The following MRPL36 variants were observed in gnomAD, a reference collection of about 807,000 sequenced individuals.
MRPL36 encodes the protein large ribosomal subunit protein bL36m.
A neutral mutation model predicts 2.8 loss-of-function variants in MRPL36; 1 was observed. The ratio of observed to expected loss-of-function variants is 0.36; its 90% CI spans 0.13 to 1.69. The LOEUF (loss-of-function observed/expected upper bound fraction) is 1.69, where lower values mean the gene tolerates loss of function less well. Among genes scored for constraint, MRPL36 ranks in the 40% most tolerant of loss-of-function variants. The pLI, the probability that MRPL36 is intolerant of heterozygous loss-of-function variation, is 0.35. For synonymous variants in MRPL36, 68 were observed against 54.8 expected, an observed-to-expected ratio of 1.24 and a Z score of -1.06; for missense variants, 148 against 132.7, an observed-to-expected ratio of 1.12 and a Z score of -0.57.
chr5:1,800,046 A>G (rs1366655505), upstream of MRPL36, among the ~76,000 whole-genome samples: 2 of 152,260 alleles, frequency 1.3e-5, no homozygotes, highest in African/African-American at 2.4e-5. Context: ...TGCAAAAACC[A>G]GGAACGAAAA....
chr5:1,801,107 T>C (rs1273298373), upstream of MRPL36, among the ~76,000 whole-genome samples: 1 of 152,234 alleles, frequency 6.6e-6, no homozygotes, highest in Non-Finnish European at 1.5e-5. Context: ...GCCCTAGCTC[T>C]AGCCTGCGGC....
upstream of MRPL36, among the ~76,000 whole-genome samples, chr5:1,800,314 G>A (rs1733998637): frequency 6.9e-6 from 1 of 144,832 alleles, no homozygotes; most frequent in Non-Finnish European, 1.6e-5. Context: ...TTGCCACCTA[G>A]ATTCTACCCT....
rs1733929955 is a variant in MRPL36 at position 1,798,825 on chromosome 5, T to A, written c.111A>T (p.Ala37=). ...STFLFGSIRG[A]APVAVEPGAA... is the part of the protein sequence containing the mutation. Reference sequence around the variant, plus strand: ...CCCCGGGTTCCACAGCCACGGGGGCTGCACCTCGAATGGATCCAAATAGAA... The same window carrying A: ...CCCCGGGTTCCACAGCCACGGGGGCAGCACCTCGAATGGATCCAAATAGAA... The change falls in exon 2 of 2, where the codon GCA becomes GCT. Residue 37 remains alanine, a synonymous_variant. Coordinates refer to ENST00000505059, the MANE Select transcript of MRPL36 (RefSeq NM_032479.4). 2 of 1,614,124 alleles carry A rather than the reference T, an allele frequency of 1.2e-6. No homozygotes were observed. The highest frequency in any genetic ancestry group is 1.6e-4 in the Middle Eastern group (1 of 6,062).
chr5:1,799,909 G>C (rs1052385867), upstream of MRPL36: 6 of 149,914 alleles, frequency 4.0e-5, no homozygotes, highest in Non-Finnish European at 8.8e-5. Flanking sequence ...CCCACGTCCA[G>C]TGCGGGGCGC....
chr5:1,798,995 C>A, intron 1 of MRPL36, 48 bp from the exon 2 acceptor site: 1 of 1,425,922 alleles, frequency 7.0e-7, no homozygotes. Context: ...TGCACTTCCA[C>A]CTGCTCTTTA....
upstream of MRPL36, chr5:1,801,309 C>CCT: frequency 7.2e-7 from 1 of 1,383,708 alleles, no homozygotes; most frequent in Non-Finnish European, 9.5e-7. Flanking sequence ...ACCCGCGCTC[C>CCT]CCGCCCCCAG....
At chr5:1,801,313 C>CG (rs34372448), upstream of MRPL36, 1,250,820 of 1,479,734 alleles carry the variant, frequency 0.85, 540,383 homozygotes, top group Non-Finnish European at 0.89. Flanking sequence ...GCGCTCCCCG[C>CG]CCCCAGGGCG....
In MRPL36 at chr5:1,798,867, A is replaced by C. The variant is rs1425731644; in HGVS notation, c.69T>G (p.Pro23=). 2 of 1,613,194 alleles carry C rather than the reference A, an allele frequency of 1.2e-6. No homozygotes were observed. The highest frequency in any genetic ancestry group is 2.2e-5 in the South Asian group (2 of 91,062). The part of the protein sequence containing the change: ...LLYLSRHTVK[P]RALSTFLFGS... ...CAAATAGAAATGTGGAGAGGGCTCG[A>C]GGCTTCACCGTGTGACGACTGAGAT... Residue 23 remains proline (P), a synonymous_variant, in exon 2 of 2, where the codon CCT becomes CCG. Transcript: ENST00000505059.
upstream of MRPL36, chr5:1,801,338 T>G (rs1391518597): frequency 8.4e-6 from 13 of 1,541,980 alleles, no homozygotes; most frequent in East Asian, 1.9e-4. Context: ...AAATACCGGG[T>G]GTTTGGCGCC....
In MRPL36 at chr5:1,798,945, A is replaced by G; in HGVS notation, c.-10T>C. 1 of 1,570,578 alleles carries G rather than the reference A, an allele frequency of 6.4e-7. No individual in the cohort carries two copies. On this transcript the variant is annotated splice_region_variant and 5_prime_UTR_variant, in exon 2 of 2. Coordinates refer to ENST00000505059, the MANE Select transcript of MRPL36 (RefSeq NM_032479.4). Reference sequence around the variant, plus strand: ...TAAAAAGATTTGCCATGTTGTGGTGAATCTATGGGAGAGAGAAAAAAAGGA... The same window carrying G: ...TAAAAAGATTTGCCATGTTGTGGTGGATCTATGGGAGAGAGAAAAAAAGGA...
At position 1,798,587 on chromosome 5, in the gene MRPL36, G is replaced by A. The variant is rs1396413142; in HGVS notation, c.*37C>T. 7 of 1,561,150 alleles carry A rather than the reference G, an allele frequency of 4.5e-6. No homozygotes were observed. Among genetic ancestry groups the A allele is most frequent in the South Asian group, 1.2e-5 (1 of 86,304 alleles). On this transcript the variant is annotated 3_prime_UTR_variant, in exon 2 of 2. Coordinates refer to ENST00000505059, the MANE Select transcript of MRPL36 (RefSeq NM_032479.4). Reference sequence around the variant, plus strand: ...ATACAACCATTCTCCCAAGTGATGCGATGACGAGTATGTGCGTGACTCTGG... The same window carrying A: ...ATACAACCATTCTCCCAAGTGATGCAATGACGAGTATGTGCGTGACTCTGG...
upstream of MRPL36, among the ~76,000 whole-genome samples, chr5:1,801,134 T>C (rs1734024479): frequency 6.6e-6 from 1 of 152,246 alleles, no homozygotes; most frequent in African/African-American, 2.4e-5. Flanking sequence ...TGCATGAGGC[T>C]GCACCTGCCG....
At chr5:1,800,658 C>T (rs1299445710), upstream of MRPL36, among the ~76,000 whole-genome samples, 1 of 152,182 alleles carries the variant, frequency 6.6e-6, no homozygotes, top group East Asian at 1.9e-4. Context: ...GTGTTTTGTT[C>T]TTGGAGTCAC....
chr5:1,799,724 C>T (rs1238593578), intron 1 of MRPL36, 68 bp downstream of exon 1: 1 of 152,356 alleles, frequency 6.6e-6, no homozygotes, highest in Non-Finnish European at 1.5e-5. Flanking sequence ...GGTGGCCGGC[C>T]CCACCCTCTC....
rs1733915554 is a variant in MRPL36 at position 1,798,553 on chromosome 5, T to G, written c.*71A>C. 20 of 1,469,316 alleles carry G rather than the reference T, an allele frequency of 1.4e-5. No homozygotes were observed. The highest frequency in any genetic ancestry group is 1.8e-5 in the Non-Finnish European group (19 of 1,077,504). The allele number at this position is 1,469,316 out of a possible 1,614,324, so 91.0% of individuals were successfully genotyped here. A position where few individuals can be genotyped will look rare whatever the true frequency, so the allele number is the denominator to read the frequency against. On this transcript the variant is annotated 3_prime_UTR_variant, in exon 2 of 2. Transcript: ENST00000505059. Reference sequence around the variant, plus strand: ...CCTGACTCCTTGATGTGATAATTCCTTCCATAAGATACAACCATTCTCCCA... The same window carrying G: ...CCTGACTCCTTGATGTGATAATTCCGTCCATAAGATACAACCATTCTCCCA...
At chr5:1,801,353 G>A (rs1171546271), upstream of MRPL36, 1 of 1,571,182 alleles carries the variant, frequency 6.4e-7, no homozygotes, top group Non-Finnish European at 8.6e-7. Context: ...GGCGCCGCCA[G>A]AAGCCGTGCG....
In MRPL36 at chr5:1,799,249, A is replaced by G. The variant is rs1733946896; in HGVS notation, c.-12-302T>C. 2.3e-5 allele frequency: 6 copies of G among 258,250 alleles called. 1 individual carries two copies. The South Asian group carries it at 3.1e-4, about 13-fold the overall frequency. 16.0% of individuals were successfully genotyped at this position (258,250 alleles called of 1,614,324 possible). A position where few individuals can be genotyped will look rare whatever the true frequency, so the allele number is the denominator to read the frequency against. ...GCTCACTTGGCTGGGAGGGAGCTTA[A>G]ACTTAGGCCGCATCCCTTTCCAAAC... On this transcript the variant is annotated intron_variant, in intron 1 of 1. Coordinates refer to ENST00000505059, the MANE Select transcript of MRPL36 (RefSeq NM_032479.4).
At chr5:1,801,313 C>CCG (rs1554018082), upstream of MRPL36, 78 of 1,480,352 alleles carry the variant, frequency 5.3e-5, no homozygotes, top group Admixed American at 1.1e-4. Flanking sequence ...GCGCTCCCCG[C>CCG]CCCCAGGGCG....
upstream of MRPL36, among the ~76,000 whole-genome samples, chr5:1,800,495 G>C (rs1734005099): frequency 6.6e-6 from 1 of 152,162 alleles, no homozygotes; most frequent in Admixed American, 6.5e-5. Context: ...CGAACACCGG[G>C]CGGGCCGCTG....
Sources: allele counts gnomAD v4.1 joint callset (sites outside exome capture counted in the v4.1 genomes callset), GRCh38; gene constraint gnomAD v4.1.1; transcripts MANE v1.5; gene names NCBI Gene and HGNC (gene_info 2026-07-23, HGNC 2026-07-21).